CNTN5: variants seen among roughly 807,000 people sequenced by gnomAD.
CNTN5 encodes the protein contactin-5.
CNTN5 carries 77 observed loss-of-function variants against 129.1 expected under a neutral mutation model. The observed-to-expected ratio is 0.60, with a 90% CI of 0.50 to 0.72. The LOEUF is 0.72. Ranked by LOEUF, CNTN5 falls within the 30% of genes least tolerant of loss-of-function variation. The pLI is 0.00. For synonymous variants in CNTN5, 509 were observed against 465.6 expected (o/e 1.09, Z -1.20); for missense variants, 1,478 against 1,328.8 (o/e 1.11, Z -1.75).
At chr11:99,318,869 A>G (rs1865451311) in intron 1 of CNTN5, among the ~76,000 whole-genome samples, 1 of 152,234 alleles carries the variant, frequency 6.6e-6, no homozygotes, top group South Asian at 2.1e-4. Context: ...TCAACACTTA[A>G]ATTAAAAGTT....
At chr11:99,932,770 C>G (rs1429440967) in intron 7 of CNTN5, among the ~76,000 whole-genome samples, 1 of 151,912 alleles carries the variant, frequency 6.6e-6, no homozygotes, top group African/African-American at 2.4e-5. Flanking sequence ...ATGATGATGC[C>G]CTCTTCATTT....
intron 1 of CNTN5, among the ~76,000 whole-genome samples, chr11:99,311,146 G>T (rs950435915): frequency 3.3e-5 from 5 of 151,960 alleles, no homozygotes; most frequent in Admixed American, 3.3e-4. Flanking sequence ...CCAGGCTGGT[G>T]TCGATCTCCT....
intron 2 of CNTN5, among the ~76,000 whole-genome samples, chr11:99,512,317 C>T (rs1208473078): frequency 6.6e-6 from 1 of 152,128 alleles, no homozygotes; most frequent in South Asian, 2.1e-4. Flanking sequence ...GGTCTGTAGC[C>T]TAGGAGCAGC....
intron 1 of CNTN5, among the ~76,000 whole-genome samples, chr11:99,229,404 G>A (rs74616133): frequency 0.017 from 2,641 of 151,890 alleles, 42 homozygotes; most frequent in African/African-American, 0.038. Context: ...GTAAAATGCT[G>A]AATAGCTTTT....
At chr11:99,416,140 G>A (rs1199657989) in intron 2 of CNTN5, among the ~76,000 whole-genome samples, 1 of 152,102 alleles carries the variant, frequency 6.6e-6, no homozygotes, top group African/African-American at 2.4e-5. Flanking sequence ...ATTAGCAAAT[G>A]CTATATAATT....
chr11:99,638,731 C>T (rs941802570), intron 3 of CNTN5, among the ~76,000 whole-genome samples: 6 of 152,176 alleles, frequency 3.9e-5, no homozygotes, highest in African/African-American at 1.4e-4. Context: ...CTCCATATCT[C>T]ATACCCAGGT....
chr11:99,972,556 T>A (rs1469251096), intron 8 of CNTN5, among the ~76,000 whole-genome samples: 1 of 152,022 alleles, frequency 6.6e-6, no homozygotes. Flanking sequence ...TCCACTGAGT[T>A]GTCAGGTCTT....
At chr11:100,085,395 C>T (rs749243901) in intron 13 of CNTN5, among the ~76,000 whole-genome samples, 3 of 151,998 alleles carry the variant, frequency 2.0e-5, no homozygotes, top group African/African-American at 4.8e-5. Context: ...AACTCCTTCA[C>T]CCTCATGCAG....
chr11:99,950,683 A>G (rs980394555), intron 7 of CNTN5, among the ~76,000 whole-genome samples: 3 of 152,190 alleles, frequency 2.0e-5, no homozygotes, highest in Non-Finnish European at 2.9e-5. Context: ...TTTATGCTAG[A>G]TAGTTTATCC....
chr11:100,102,863 G>A (rs953113633), intron 13 of CNTN5, among the ~76,000 whole-genome samples: 1 of 152,114 alleles, frequency 6.6e-6, no homozygotes, highest in Non-Finnish European at 1.5e-5. Flanking sequence ...ATGTGATTAA[G>A]AGAAATGGAT....
At chr11:100,057,382 T>C (rs1943280137) in intron 9 of CNTN5, among the ~76,000 whole-genome samples, 1 of 151,386 alleles carries the variant, frequency 6.6e-6, no homozygotes, top group South Asian at 2.1e-4. Flanking sequence ...ACTTCTGTCA[T>C]AGTCAATCAT....
chr11:99,269,636 A>G lies in CNTN5; in HGVS notation c.-209-55710A>G, dbSNP rs529335810. Among the ~76,000 whole-genome samples, 220 of 152,030 alleles carry G rather than the reference A, an allele frequency of 1.4e-3. 1 individual carries two copies. Among genetic ancestry groups the G allele is most frequent in the Middle Eastern group, 3.4e-3 (1 of 294 alleles). ...TCCAGAGATATCTTATATTAACAAAAGTGTTGACCAAACTTCCACTGGACA... is the reference window on the plus strand; with the variant it reads ...TCCAGAGATATCTTATATTAACAAAGGTGTTGACCAAACTTCCACTGGACA... On this transcript the variant is annotated intron_variant, in intron 1 of 24. Coordinates refer to ENST00000524871, the MANE Select transcript of CNTN5 (RefSeq NM_014361.4).
At chr11:99,542,959 G>A (rs1377058709) in intron 2 of CNTN5, among the ~76,000 whole-genome samples, 1 of 152,202 alleles carries the variant, frequency 6.6e-6, no homozygotes, top group African/African-American at 2.4e-5. Flanking sequence ...CTTCAAGGCT[G>A]CCTCATAAAG....
At chr11:99,101,652 C>T (rs1364845720) in intron 1 of CNTN5, among the ~76,000 whole-genome samples, 9 of 152,290 alleles carry the variant, frequency 5.9e-5, no homozygotes, top group South Asian at 2.1e-4. Flanking sequence ...CCTCTGACTC[C>T]GTGTCTTATA....
chr11:100,315,028 G>A (rs1051977104), intron 21 of CNTN5, among the ~76,000 whole-genome samples: 1 of 152,170 alleles, frequency 6.6e-6, no homozygotes, highest in East Asian at 1.9e-4. Context: ...TAGCAAGGGA[G>A]ACTATTTCTG....
chr11:99,577,901 A>G (rs1433712383), intron 3 of CNTN5, among the ~76,000 whole-genome samples: 2 of 151,668 alleles, frequency 1.3e-5, no homozygotes, highest in African/African-American at 4.8e-5. Flanking sequence ...ATATGTATAC[A>G]TGTGCCATGT....
intron 3 of CNTN5, among the ~76,000 whole-genome samples, chr11:99,757,210 A>T (rs75789121): frequency 1.3e-5 from 2 of 152,000 alleles, no homozygotes; most frequent in Non-Finnish European, 2.9e-5. Flanking sequence ...CATCACTCCA[A>T]TATCTTCCTT....
At chr11:99,583,948 T>C (rs1035067203) in intron 3 of CNTN5, among the ~76,000 whole-genome samples, 1 of 152,170 alleles carries the variant, frequency 6.6e-6, no homozygotes, top group Admixed American at 6.5e-5. Context: ...GAGCTGTTTG[T>C]ATTCGGCCAT....
At chr11:99,911,566 C>A (rs1949660051) in intron 6 of CNTN5, among the ~76,000 whole-genome samples, 1 of 151,866 alleles carries the variant, frequency 6.6e-6, no homozygotes, top group Admixed American at 6.6e-5. Flanking sequence ...GATACAAGAT[C>A]AGTGTCCAGA....
Sources: allele counts gnomAD v4.1 joint callset (sites outside exome capture counted in the v4.1 genomes callset), GRCh38; gene constraint gnomAD v4.1.1; transcripts MANE v1.5; gene names NCBI Gene and HGNC (gene_info 2026-07-23, HGNC 2026-07-21).